Variants in STARD13 observed in about 807,000 individuals in gnomAD.
STARD13 encodes the protein stAR-related lipid transfer protein 13.
A neutral mutation model predicts 106.4 loss-of-function variants in STARD13; 62 were observed. The ratio of observed to expected loss-of-function variants is 0.58; its 90% confidence interval spans 0.48 to 0.72. STARD13 has a LOEUF of 0.72. STARD13 is among the 30% of genes least tolerant of loss of function. STARD13 has a pLI of 0.00. For synonymous variants in STARD13, 565 were observed against 553.0 expected, an observed-to-expected ratio of 1.02 and a Z score of -0.31; for missense variants, 1,387 against 1,424.0, an observed-to-expected ratio of 0.97 and a Z score of 0.42.
the STARD13 span, among the ~76,000 whole-genome samples, chr13:33,603,095 T>C: frequency 6.6e-6 from 1 of 152,110 alleles, no homozygotes; most frequent in African/African-American, 2.4e-5. Context: ...TCTCAAAGTA[T>C]CAAACAAGCA....
intron 1 of STARD13, chr13:33,272,957 A>G (rs921179465): frequency 2.0e-5 from 3 of 151,966 alleles, no homozygotes; most frequent in Admixed American, 6.6e-5. Flanking sequence ...CTCTGAAACA[A>G]TCTCTCTTTT....
At chr13:33,353,152 C>T (rs991642004), upstream of STARD13, among the ~76,000 whole-genome samples, 1 of 152,146 alleles carries the variant, frequency 6.6e-6, no homozygotes, top group Non-Finnish European at 1.5e-5. Context: ...GCTCAACCCT[C>T]CAGTCTCACC....
chr13:33,297,172 C>T (rs989755834), intron 1 of STARD13, among the ~76,000 whole-genome samples: 1 of 152,204 alleles, frequency 6.6e-6, no homozygotes, highest in Admixed American at 6.5e-5. Flanking sequence ...GGCCTCTGGC[C>T]AGTCTCCCAG....
At chr13:33,338,460 A>G (rs1310567777) in intron 1 of STARD13, among the ~76,000 whole-genome samples, 1 of 152,220 alleles carries the variant, frequency 6.6e-6, no homozygotes, top group Non-Finnish European at 1.5e-5. Context: ...ATGAAATCAT[A>G]GTTGACAGTC....
intron 1 of STARD13, among the ~76,000 whole-genome samples, chr13:33,313,558 G>A (rs966053138): frequency 2.6e-5 from 4 of 152,076 alleles, no homozygotes; most frequent in African/African-American, 9.7e-5. Context: ...TTTCTGGAAA[G>A]CATCCCACAA....
At chr13:33,319,700 T>A (rs1446857900) in intron 1 of STARD13, among the ~76,000 whole-genome samples, 2 of 152,176 alleles carry the variant, frequency 1.3e-5, no homozygotes, top group Non-Finnish European at 2.9e-5. Context: ...CAATCATTTA[T>A]CCTGTCCAGT....
chr13:33,178,631 G>T (rs1365558431), intron 1 of STARD13, among the ~76,000 whole-genome samples: 1 of 152,182 alleles, frequency 6.6e-6, no homozygotes, highest in Non-Finnish European at 1.5e-5. Flanking sequence ...CAAAACTAAG[G>T]TCCTGGACCG....
intron 1 of STARD13, among the ~76,000 whole-genome samples, chr13:33,219,891 C>T (rs1888261513): frequency 6.6e-6 from 1 of 151,500 alleles, no homozygotes; most frequent in African/African-American, 2.4e-5. Flanking sequence ...AGATTCCAGA[C>T]TGAAATACTG....
chr13:33,318,472 T>C (rs1432691621), intron 1 of STARD13, among the ~76,000 whole-genome samples: 1 of 152,152 alleles, frequency 6.6e-6, no homozygotes, highest in Non-Finnish European at 1.5e-5. Context: ...GTTAAAGCTA[T>C]AAAACTCTTA....
the STARD13 span, among the ~76,000 whole-genome samples, chr13:33,357,253 GC>G: frequency 6.6e-6 from 1 of 152,202 alleles, no homozygotes; most frequent in Non-Finnish European, 1.5e-5. Context: ...CTTGAAAGGG[GC>G]TGGGACCCTT....
chr13:33,177,870 GAAGGA>G (rs1192581368), intron 1 of STARD13, among the ~76,000 whole-genome samples: 2 of 11,660 alleles, frequency 1.7e-4, no homozygotes, highest in African/African-American at 1.8e-3. Flanking sequence ...AGGAAGGAAG[GAAGGA>G]AAGGAAGGAA....
Position 33,323,377 on chromosome 13 carries a change from G to A in STARD13, c.124+26913C>T, listed in dbSNP as rs116908670. 3.1e-3 allele frequency among the ~76,000 whole-genome samples: 472 copies of A among 152,260 alleles called. 4 individuals are homozygous for A. Among genetic ancestry groups the A allele is most frequent in the Middle Eastern group, 0.01 (3 of 294 alleles). ...TCAAGGAAGCATTCTCTAACCTACA[G>A]ATGCTGTTAGCCTCCCTGCTATACT... On this transcript the variant is annotated intron_variant, in intron 1 of 5. Transcript: ENST00000567873.
chr13:33,664,620 A>C, the STARD13 span, among the ~76,000 whole-genome samples: 1 of 152,136 alleles, frequency 6.6e-6, no homozygotes, highest in Non-Finnish European at 1.5e-5. Flanking sequence ...CGAACTTAAA[A>C]AAACTATTGA....
At chr13:33,223,676 T>TATAA (rs1306158636) in intron 1 of STARD13, among the ~76,000 whole-genome samples, 1 of 151,890 alleles carries the variant, frequency 6.6e-6, no homozygotes, top group Non-Finnish European at 1.5e-5. Context: ...TATATATATA[T>TATAA]AATTCTATGT....
At chr13:33,653,602 C>A in the STARD13 span, among the ~76,000 whole-genome samples, 16 of 151,988 alleles carry the variant, frequency 1.1e-4, no homozygotes, top group Non-Finnish European at 2.4e-4. Context: ...AAGAATAAAT[C>A]TTTGTGGCCA....
At chr13:33,530,655 A>G in the STARD13 span, among the ~76,000 whole-genome samples, 1 of 152,200 alleles carries the variant, frequency 6.6e-6, no homozygotes, top group Non-Finnish European at 1.5e-5. Context: ...TCCGTTTGGC[A>G]TGACTATAGG....
chr13:33,397,802 C>G, the STARD13 span, among the ~76,000 whole-genome samples: 1 of 152,270 alleles, frequency 6.6e-6, no homozygotes, highest in African/African-American at 2.4e-5. Context: ...GCTGGGCAAT[C>G]TAAGATCAAG....
At chr13:33,620,806 A>T in the STARD13 span, among the ~76,000 whole-genome samples, 1 of 150,810 alleles carries the variant, frequency 6.6e-6, no homozygotes, top group East Asian at 1.9e-4. Flanking sequence ...TGTATAGATA[A>T]AATATAATAA....
the STARD13 span, among the ~76,000 whole-genome samples, chr13:33,357,585 G>A: frequency 6.6e-6 from 1 of 152,060 alleles, no homozygotes; most frequent in Non-Finnish European, 1.5e-5. Context: ...AAACAGGCAG[G>A]GAAACAAATT....
Sources: gnomAD v4.1 joint callset for allele counts (sites outside exome capture counted in the v4.1 genomes callset) on GRCh38, gnomAD v4.1.1 for gene constraint, MANE v1.5 for transcripts, NCBI Gene and HGNC (gene_info 2026-07-23, HGNC 2026-07-21) for gene names.